Variants in ZBTB39 observed in about 807,000 individuals in gnomAD.
The protein encoded by ZBTB39 is zinc finger and BTB domain-containing protein 39.
ZBTB39 carries 25 observed loss-of-function variants against 39.4 expected under a neutral mutation model. That is an observed-to-expected ratio of 0.63 (90% CI 0.46 to 0.89). The LOEUF (loss-of-function observed/expected upper bound fraction) is 0.89, where lower values mean the gene tolerates loss of function less well. ZBTB39 is among the 40% of genes least tolerant of loss of function. The pLI is 0.00. For synonymous variants in ZBTB39, 373 were observed against 359.6 expected, an observed-to-expected ratio of 1.04 and a Z score of -0.42; for missense variants, 891 against 909.7, an observed-to-expected ratio of 0.98 and a Z score of 0.26.
intron 1 of ZBTB39, 25 bp from the exon 2 acceptor site, chr12:57,004,986 G>A (rs1010014682): frequency 6.8e-7 from 1 of 1,479,664 alleles, no homozygotes; most frequent in African/African-American, 1.4e-5. Flanking sequence ...AGAAAAAGAT[G>A]GATGGCCAAA....
Position 57,004,134 on chromosome 12 carries a change from T to C in ZBTB39, c.784A>G (p.Thr262Ala). Residue 262 changes from threonine (T) to alanine (A), a missense_variant, in exon 2 of 2, where the codon ACC becomes GCC. Physicochemically the swap from Thr to Ala is moderately conservative, Grantham distance 58. Transcript: ENST00000300101. ...GTAATGTCTACTGCATTGTCAGGGG[T>C]GAGGAAGCTGTTTTTACTGAAGTCT... ...NGDFSKNSFL[T>A]PDNAVDITTG... 1 of 1,613,930 alleles carries C rather than the reference T, an allele frequency of 6.2e-7. No individual in the cohort carries two copies. The highest frequency in any genetic ancestry group is 8.5e-7 in the Non-Finnish European group (1 of 1,179,996).
Position 57,004,928 on chromosome 12 carries a change from C to A in ZBTB39, c.-11G>T. ...GATCCTCATGCCCATCTTAGCAGCT[C>A]CTATGAAATTACCTCCTTATCAGCA... On this transcript the variant is annotated 5_prime_UTR_variant, in exon 2 of 2. Transcript: ENST00000300101. 1 of 1,572,540 alleles carries A rather than the reference C, an allele frequency of 6.4e-7. No individual in the cohort carries two copies. The highest frequency in any genetic ancestry group is 8.6e-7 in the Non-Finnish European group (1 of 1,156,134).
Position 57,003,360 on chromosome 12 carries a change from A to C in ZBTB39, c.1558T>G (p.Trp520Gly). The C allele has an allele frequency of 1.2e-6, 2 of 1,614,008 alleles. No homozygotes were observed. The highest frequency in any genetic ancestry group is 1.7e-6 in the Non-Finnish European group (2 of 1,179,910). The stretch of plus-strand genomic sequence containing the variant: ...GCCATGTGCTTCTCTAGAAGATGCC[A>C]GTCCACAAAGCTGTTCGCACAGACA... ...CSVCANSFVD[W>G]HLLEKHMAVH... The change falls in exon 2 of 2, where the codon TGG becomes GGG. Residue 520 changes from tryptophan to glycine, a missense_variant. Physicochemically the swap from Trp to Gly is radical, Grantham distance 184. Transcript: ENST00000300101. The surrounding 1 kb of genome is among the most constrained non-coding windows in gnomAD (Gnocchi z 4.8).
At position 57,003,267 on chromosome 12, in the gene ZBTB39, C is replaced by T. The variant is rs751269333; in HGVS notation, c.1651G>A (p.Ala551Thr). The T allele has an allele frequency of 6.2e-7, 1 of 1,614,052 alleles. No individual in the cohort carries two copies. The highest frequency in any genetic ancestry group is 2.2e-5 in the East Asian group (1 of 44,900). ...TGGCTGACGTGGTAGCGATAGGCAG[C>T]CTCTGACTTGAAGCTCTGGCTGCAC... The part of the protein sequence containing the change: ...RLCSQSFKSE[A>T]AYRYHVSQHK... Residue 551 changes from alanine (A) to threonine (T), a missense_variant, in exon 2 of 2, where the codon GCT becomes ACT. By Grantham distance (58) the Ala-to-Thr change is moderately conservative (BLOSUM62 0). Transcript: ENST00000300101. The surrounding 1 kb of genome is among the most constrained non-coding windows in gnomAD (Gnocchi z 4.8).
chr12:57,003,910 G>GTCATTCTC lies in ZBTB39; in HGVS notation c.1000_1007dup (p.Asp336GlufsTer20). The GTCATTCTC allele has an allele frequency of 6.2e-7, 1 of 1,614,170 alleles. No individual in the cohort carries two copies. The highest frequency in any genetic ancestry group is 1.1e-5 in the South Asian group (1 of 91,082). Reference sequence around the variant, plus strand: ...AGGGCATGGCCTTATTCTCCCGATTGTCATTCTCTCCAAAAGCCAACTCAT... The same window carrying GTCATTCTC: ...AGGGCATGGCCTTATTCTCCCGATTGTCATTCTCTCATTCTCTCCAAAAGCCAACTCAT... On this transcript the variant is annotated frameshift_variant, in exon 2 of 2. Coordinates refer to ENST00000300101, the MANE Select transcript of ZBTB39 (RefSeq NM_014830.3). LOFTEE classifies it high-confidence loss of function. The surrounding 1 kb of genome is among the most constrained non-coding windows in gnomAD (Gnocchi z 4.8).
chr12:57,002,592 C>G lies in ZBTB39; in HGVS notation c.*187G>C. ...AGGTATGGAGGTAAATGTGATAGGG[C>G]TGTTGCTTCTCAACAACAGTAACAG... On this transcript the variant is annotated 3_prime_UTR_variant, in exon 2 of 2. Coordinates refer to ENST00000300101, the MANE Select transcript of ZBTB39 (RefSeq NM_014830.3). The G allele has an allele frequency of 1.6e-6, 1 of 617,852 alleles. No homozygotes were observed. The highest frequency in any genetic ancestry group is 2.8e-5 in the East Asian group (1 of 36,214). 38.3% of individuals were successfully genotyped at this position (617,852 alleles called of 1,614,324 possible).
Position 57,006,397 on chromosome 12 carries a change from G to T in ZBTB39, c.-45+8C>A, listed in dbSNP as rs1458325167. On this transcript the variant is annotated splice_region_variant and intron_variant, in intron 1 of 1. Coordinates refer to ENST00000300101, the MANE Select transcript of ZBTB39 (RefSeq NM_014830.3). ...GCCAGGGGCAGCCCTCGGCCTGGCC[G>T]CGCTTACCCGGCTCTGCGGCGCCCC... is the stretch of plus-strand genomic sequence containing the variant. 2 of 151,240 alleles carry T rather than the reference G, an allele frequency of 1.3e-5. No individual in the cohort carries two copies. Among genetic ancestry groups the T allele is most frequent in the African/African-American group, 2.4e-5 (1 of 41,318 alleles). The allele number at this position is 151,240 out of a possible 1,614,324, so 9.4% of individuals were successfully genotyped here.
Position 57,001,691 on chromosome 12 carries a change from A to G in ZBTB39, c.*1088T>C, listed in dbSNP as rs982029534. 3 of 152,730 alleles carry G rather than the reference A, an allele frequency of 2.0e-5. No homozygotes were observed. The highest frequency in any genetic ancestry group is 6.6e-5 in the Admixed American group (1 of 15,242). The allele number at this position is 152,730 out of a possible 1,614,324, so 9.5% of individuals were successfully genotyped here. A position where few individuals can be genotyped will look rare whatever the true frequency, so the allele number is the denominator to read the frequency against. ...GACAAAGCTCCGGCACTGTTAGCACAAAGTAAACAGGTTACCCGACTAGGA... is the reference window on the plus strand; with the variant it reads ...GACAAAGCTCCGGCACTGTTAGCACGAAGTAAACAGGTTACCCGACTAGGA... On this transcript the variant is annotated 3_prime_UTR_variant, in exon 2 of 2. Transcript: ENST00000300101.
intron 1 of ZBTB39, among the ~76,000 whole-genome samples, chr12:57,005,825 AG>A (rs1592452712): frequency 6.6e-6 from 1 of 152,194 alleles, no homozygotes; most frequent in African/African-American, 2.4e-5. Context: ...TGCACGACTA[AG>A]GAAGAAGAGC....
chr12:57,002,799 C>G lies in ZBTB39; in HGVS notation c.2119G>C (p.Asp707His), dbSNP rs1425297270. The change falls in exon 2 of 2, where the codon GAT becomes CAT. Residue 707 changes from aspartate (D) to histidine (H), a missense_variant. By Grantham distance (81) the Asp-to-His change is moderately conservative. Transcript: ENST00000300101. ...FMYIIHSKEA[D>H]KNPDS ...CCCAGTCAACTGTCCGGGTTCTTAT[C>G]CGCCTCTTTGGAATGGATGATGTAC... 6.2e-7 allele frequency: 1 copy of G among 1,613,792 alleles called. No individual in the cohort carries two copies. The highest frequency in any genetic ancestry group is 1.3e-5 in the African/African-American group (1 of 74,914).
Position 57,003,326 on chromosome 12 carries a change from T to G in ZBTB39, c.1592A>C (p.Gln531Pro). 3.7e-6 allele frequency: 6 copies of G among 1,613,984 alleles called. No individual in the cohort carries two copies. The Middle Eastern group carries it at 6.6e-4, about 178-fold the overall frequency. The change falls in exon 2 of 2, where the codon CAA becomes CCA. Residue 531 changes from glutamine (Q) to proline (P), a missense_variant. By Grantham distance (76) the Gln-to-Pro change is moderately conservative (BLOSUM62 -1). Transcript: ENST00000300101. This position sits in a 1 kb window ranked among gnomAD's most constrained non-coding sequence, Gnocchi z 4.8. ...GTGGAAGAGGGCGTCTTCCAGACTT[T>G]GGTGCACAGCCATGTGCTTCTCTAG... is the stretch of plus-strand genomic sequence containing the variant. The part of the protein sequence containing the change: ...HLLEKHMAVH[Q>P]SLEDALFHCR...
In ZBTB39 at chr12:57,004,954, C is replaced by G; in HGVS notation, c.-37G>C. On this transcript the variant is annotated 5_prime_UTR_variant, in exon 2 of 2. Coordinates refer to ENST00000300101, the MANE Select transcript of ZBTB39 (RefSeq NM_014830.3). Reference sequence around the variant, plus strand: ...CTATGAAATTACCTCCTTATCAGCACAGTTAATCTGTGGATAGCAAGAGAA... The same window carrying G: ...CTATGAAATTACCTCCTTATCAGCAGAGTTAATCTGTGGATAGCAAGAGAA... The G allele has an allele frequency of 6.5e-7, 1 of 1,540,282 alleles. No individual in the cohort carries two copies. Among genetic ancestry groups the G allele is most frequent in the Non-Finnish European group, 8.8e-7 (1 of 1,139,414 alleles).
Position 57,003,576 on chromosome 12 carries a change from A to AG in ZBTB39, c.1341dup (p.Ser448LeufsTer26). ...CAGGCAGCGCATTTCAGCTCTGGGG[A>AG]GGCTGCCCCTGAAAAGAGACCCAGC... is the stretch of plus-strand genomic sequence containing the variant. On this transcript the variant is annotated frameshift_variant, in exon 2 of 2. Coordinates refer to ENST00000300101, the MANE Select transcript of ZBTB39 (RefSeq NM_014830.3). LOFTEE classifies it high-confidence loss of function. This position sits in a 1 kb window ranked among gnomAD's most constrained non-coding sequence, Gnocchi z 4.8. 1 of 1,614,064 alleles carries AG rather than the reference A, an allele frequency of 6.2e-7. No individual in the cohort carries two copies. The highest frequency in any genetic ancestry group is 8.5e-7 in the Non-Finnish European group (1 of 1,179,894).
In ZBTB39 at chr12:56,998,932, T is replaced by C. The variant is rs1370864551; in HGVS notation, c.*3847A>G. 6.6e-6 allele frequency: 1 copy of C among 152,650 alleles called. No homozygotes were observed. The highest frequency in any genetic ancestry group is 2.4e-5 in the African/African-American group (1 of 41,450). The allele number at this position is 152,650 out of a possible 1,614,324, so 9.5% of individuals were successfully genotyped here. On this transcript the variant is annotated 3_prime_UTR_variant, in exon 2 of 2. Transcript: ENST00000300101. ...ATGTACAATGATTTTAGACATCTAC[T>C]ATTTGGGGAAAAAAGTTTACAAAAT...
chr12:57,001,931 C>A lies in ZBTB39; in HGVS notation c.*848G>T, dbSNP rs1239297272. ...TCTCCACCAAGACACTCATGGCCAACAGAAGTGGCCAAAACAGATGACTAT... is the reference window on the plus strand; with the variant it reads ...TCTCCACCAAGACACTCATGGCCAAAAGAAGTGGCCAAAACAGATGACTAT... On this transcript the variant is annotated 3_prime_UTR_variant, in exon 2 of 2. Coordinates refer to ENST00000300101, the MANE Select transcript of ZBTB39 (RefSeq NM_014830.3). The A allele has an allele frequency of 6.5e-6, 1 of 152,684 alleles. No individual in the cohort carries two copies. The highest frequency in any genetic ancestry group is 1.5e-5 in the Non-Finnish European group (1 of 68,046). 9.5% of individuals were successfully genotyped at this position (152,684 alleles called of 1,614,324 possible). A position where few individuals can be genotyped will look rare whatever the true frequency, so the allele number is the denominator to read the frequency against.
At chr12:57,006,079 A>G (rs1956243458) in intron 1 of ZBTB39, among the ~76,000 whole-genome samples, 1 of 152,094 alleles carries the variant, frequency 6.6e-6, no homozygotes, top group African/African-American at 2.4e-5. Context: ...ACACCCCAAC[A>G]ATCCCCGGGC....
In ZBTB39 at chr12:57,002,724, A is replaced by G; in HGVS notation, c.*55T>C. 2 of 1,526,842 alleles carry G rather than the reference A, an allele frequency of 1.3e-6. No individual in the cohort carries two copies. Among genetic ancestry groups the G allele is most frequent in the Admixed American group, 1.7e-5 (1 of 57,660 alleles). 94.6% of individuals were successfully genotyped at this position (1,526,842 alleles called of 1,614,324 possible). ...CTGGGGAGGGACCAACACCTCTTAG[A>G]TATCAGCATCCTGGCTGCTGCTTGG... is the stretch of plus-strand genomic sequence containing the variant. On this transcript the variant is annotated 3_prime_UTR_variant, in exon 2 of 2. Coordinates refer to ENST00000300101, the MANE Select transcript of ZBTB39 (RefSeq NM_014830.3).
Position 57,001,972 on chromosome 12 carries a change from T to C in ZBTB39, c.*807A>G, listed in dbSNP as rs1355820770. 1 of 152,522 alleles carries C rather than the reference T, an allele frequency of 6.6e-6. No individual in the cohort carries two copies. The highest frequency in any genetic ancestry group is 6.5e-5 in the Admixed American group (1 of 15,270). 9.4% of individuals were successfully genotyped at this position (152,522 alleles called of 1,614,324 possible). A position where few individuals can be genotyped will look rare whatever the true frequency, so the allele number is the denominator to read the frequency against. ...AGATGACTATATCAAAGTGGTTCCC[T>C]ATCCTCTCTGCCCCACAGAAGGCCG... is the stretch of plus-strand genomic sequence containing the variant. On this transcript the variant is annotated 3_prime_UTR_variant, in exon 2 of 2. Coordinates refer to ENST00000300101, the MANE Select transcript of ZBTB39 (RefSeq NM_014830.3).
chr12:57,005,911 T>A (rs1956242291), intron 1 of ZBTB39, among the ~76,000 whole-genome samples: 1 of 152,074 alleles, frequency 6.6e-6, no homozygotes, highest in Non-Finnish European at 1.5e-5. Flanking sequence ...TTCTAACAAC[T>A]CCCAACTTTT....
Sources: allele counts gnomAD v4.1 joint callset (sites outside exome capture counted in the v4.1 genomes callset), GRCh38; gene constraint gnomAD v4.1.1; non-coding constraint Gnocchi (gnomAD v3.1); transcripts MANE v1.5; gene names NCBI Gene and HGNC (gene_info 2026-07-23, HGNC 2026-07-21).